The following FIGN variants were observed in gnomAD, a reference collection of about 807,000 sequenced individuals.
FIGN encodes fidgetin, microtubule severing factor, also known as fidgetin.
A neutral mutation model predicts 51.3 loss-of-function variants in FIGN; 11 were observed. The ratio of observed to expected loss-of-function variants is 0.21; its 90% CI spans 0.13 to 0.35. FIGN has a LOEUF of 0.35. FIGN is among the 10% of genes least tolerant of loss of function. The pLI is 1.00. For synonymous variants in FIGN, 407 were observed against 363.2 expected, an observed-to-expected ratio of 1.12 and a Z score of -1.37; for missense variants, 857 against 943.6, an observed-to-expected ratio of 0.91 and a Z score of 1.20.
chr2:163,734,705 T>G (rs1374210285), intron 2 of FIGN, among the ~76,000 whole-genome samples, 198 bp downstream of exon 2: 1 of 152,058 alleles, frequency 6.6e-6, no homozygotes, highest in Non-Finnish European at 1.5e-5. Flanking sequence ...AAGTAATATA[T>G]TAATCAAAAC....
chr2:163,729,470 G>A (rs1304805562), intron 2 of FIGN, among the ~76,000 whole-genome samples: 1 of 152,006 alleles, frequency 6.6e-6, no homozygotes. Flanking sequence ...AAACTTTACT[G>A]TATATTATAT....
intron 2 of FIGN, among the ~76,000 whole-genome samples, chr2:163,668,014 A>ACCC (rs57547572): frequency 0.053 from 5,605 of 106,120 alleles, 437 homozygotes; most frequent in East Asian, 0.14. Flanking sequence ...CCTACCTCCA[A>ACCC]CCCCCCCCCC....
At position 163,715,299 on chromosome 2, in the gene FIGN, C is replaced by T. The variant is rs184444748; in HGVS notation, c.25+19604G>A. The stretch of plus-strand genomic sequence containing the variant: ...GTATCTTGGAGTCATTAGCTAGAGT[C>T]CCAGCCCTGCCTCCAGGAGGGGGGA... On this transcript the variant is annotated intron_variant, in intron 2 of 2. Coordinates refer to ENST00000333129, the MANE Select transcript of FIGN (RefSeq NM_018086.4). Among the ~76,000 whole-genome samples the T allele has an allele frequency of 3.0e-3, 460 of 152,302 alleles. 1 individual carries two copies. The highest frequency in any genetic ancestry group is 0.02 in the Middle Eastern group (6 of 294).
chr2:163,697,719 A>T (rs971803699), intron 2 of FIGN, among the ~76,000 whole-genome samples: 55 of 152,244 alleles, frequency 3.6e-4, no homozygotes, highest in East Asian at 1.2e-3. Context: ...TGGTCATGGG[A>T]CCATATGCAA....
At chr2:163,722,422 C>A (rs1684772566) in intron 2 of FIGN, among the ~76,000 whole-genome samples, 1 of 152,112 alleles carries the variant, frequency 6.6e-6, no homozygotes, top group Non-Finnish European at 1.5e-5. Flanking sequence ...CCACGTTCAA[C>A]CAAAGGCAGA....
At chr2:163,735,409 C>T (rs1418921245) in intron 1 of FIGN, among the ~76,000 whole-genome samples, 1 of 152,188 alleles carries the variant, frequency 6.6e-6, no homozygotes, top group African/African-American at 2.4e-5. Flanking sequence ...TTAACCTCAA[C>T]TTTTTGTGTG....
intron 2 of FIGN, among the ~76,000 whole-genome samples, chr2:163,725,855 G>A (rs1349552936): frequency 1.3e-5 from 2 of 151,960 alleles, no homozygotes; most frequent in African/African-American, 4.8e-5. Context: ...TATTGATGGA[G>A]ATTTCACACC....
chr2:163,703,521 G>A (rs1413760826), intron 2 of FIGN, among the ~76,000 whole-genome samples: 1 of 152,152 alleles, frequency 6.6e-6, no homozygotes, highest in Non-Finnish European at 1.5e-5. Flanking sequence ...GTGACAGAAA[G>A]TGCTACATAG....
chr2:163,617,672 G>A (rs990851956), intron 2 of FIGN, among the ~76,000 whole-genome samples: 9 of 152,058 alleles, frequency 5.9e-5, no homozygotes, highest in Non-Finnish European at 1.0e-4. Flanking sequence ...TTTGTTTCAC[G>A]GTGAAAATTC....
intron 2 of FIGN, among the ~76,000 whole-genome samples, chr2:163,687,012 TACAC>T (rs547589971): frequency 2.4e-4 from 35 of 147,750 alleles, no homozygotes; most frequent in Middle Eastern, 3.6e-3. Context: ...TGAGATTGTG[TACAC>T]ACACACACAC....
At position 163,611,250 on chromosome 2, in the gene FIGN, C is replaced by A. The variant is rs1172443343; in HGVS notation, c.582G>T (p.Leu194Phe). The A allele has an allele frequency of 6.2e-7, 1 of 1,614,082 alleles. No individual in the cohort carries two copies. The highest frequency in any genetic ancestry group is 8.5e-7 in the Non-Finnish European group (1 of 1,180,008). The change falls in exon 3 of 3, where the codon TTG (leucine) becomes TTT (phenylalanine). Residue 194 changes from leucine to phenylalanine, a missense_variant. Leu to Phe is a conservative substitution (Grantham distance 22, BLOSUM62 0). Transcript: ENST00000333129. ...CTGGCTGGCTACTATAAGTAGAATG[C>A]AAATATGATCCGTTGTATCCTGGGG... is the stretch of plus-strand genomic sequence containing the variant. ...EYAPGYNGSY[L>F]HSTYSSQPAP...
In FIGN at chr2:163,610,186, T is replaced by C. The variant is rs1368014291; in HGVS notation, c.1646A>G (p.Lys549Arg). The C allele has an allele frequency of 1.9e-6, 3 of 1,613,958 alleles. No homozygotes were observed. The highest frequency in any genetic ancestry group is 1.3e-5 in the African/African-American group (1 of 74,900). Residue 549 changes from lysine to arginine, a missense_variant, in exon 3 of 3, where the codon AAA becomes AGA. Lys to Arg is a conservative substitution (Grantham distance 26). Transcript: ENST00000333129. ...GGCGACTAGTCCAGAACCGGCAATT[T>C]TGAAAAATGTGGCCCCCAGCTGACT... ...IASQLGATFF[K>R]IAGSGLVAKW...
At chr2:163,703,530 A>G (rs1173155747) in intron 2 of FIGN, among the ~76,000 whole-genome samples, 1 of 152,192 alleles carries the variant, frequency 6.6e-6, no homozygotes, top group East Asian at 1.9e-4. Context: ...AGTGCTACAT[A>G]GAAAGAATTT....
intron 2 of FIGN, among the ~76,000 whole-genome samples, chr2:163,664,502 G>A (rs946516490): frequency 2.0e-5 from 3 of 152,096 alleles, no homozygotes; most frequent in Non-Finnish European, 2.9e-5. Flanking sequence ...TTCTTTCCCC[G>A]TCTATTTATT....
rs1478395040 is a variant in FIGN, at chr2:163,660,876, TATA to T, written c.26-49073_26-49071del. ...ATGTATACATATATATATATATATATATATTTTTTTTTTTTTTTTTTTTTTTTT... is the reference window on the plus strand; with the variant it reads ...ATGTATACATATATATATATATATATTTTTTTTTTTTTTTTTTTTTTTTTT... On this transcript the variant is annotated intron_variant, in intron 2 of 2. Transcript: ENST00000333129. Among the ~76,000 whole-genome samples the T allele has an allele frequency of 9.3e-4, 25 of 26,760 alleles. 9 individuals carry two copies. The highest frequency in any genetic ancestry group is 1.6e-3 in the East Asian group (1 of 608). The allele number at this position is 26,760 out of a possible 152,430, so 17.6% of individuals were successfully genotyped here.
chr2:163,726,893 T>C (rs1684845988), intron 2 of FIGN, among the ~76,000 whole-genome samples: 1 of 152,066 alleles, frequency 6.6e-6, no homozygotes, highest in Non-Finnish European at 1.5e-5. Flanking sequence ...AAAAGAATAA[T>C]AGTACTGTTT....
At chr2:163,633,624 G>A (rs58551013) in intron 2 of FIGN, among the ~76,000 whole-genome samples, 1,918 of 152,264 alleles carry the variant, frequency 0.013, 29 homozygotes, top group African/African-American at 0.041. Flanking sequence ...GTCCCAGAAT[G>A]AACAGAACTA....
At chr2:163,733,013 A>G (rs1391027735) in intron 2 of FIGN, among the ~76,000 whole-genome samples, 1 of 152,212 alleles carries the variant, frequency 6.6e-6, no homozygotes, top group Non-Finnish European at 1.5e-5. Flanking sequence ...GACAAACAAA[A>G]TCTAAAAATA....
rs1005488032 is a variant in FIGN, at chr2:163,606,080, TGC to T, written c.*3470_*3471del. On this transcript the variant is annotated 3_prime_UTR_variant, in exon 3 of 3. Transcript: ENST00000333129. ...TATTTTCTCCTTGATAGGTTTCAAATGCACAAGAAAACATTATACCCGTCTAT... is the reference window on the plus strand; with the variant it reads ...TATTTTCTCCTTGATAGGTTTCAAATACAAGAAAACATTATACCCGTCTAT... 2 of 152,094 alleles carry T rather than the reference TGC, an allele frequency of 1.3e-5. No individual in the cohort carries two copies. Among genetic ancestry groups the T allele is most frequent in the African/African-American group, 2.4e-5 (1 of 41,432 alleles). The allele number at this position is 152,094 out of a possible 1,614,324, so 9.4% of individuals were successfully genotyped here. A position where few individuals can be genotyped will look rare whatever the true frequency, so the allele number is the denominator to read the frequency against.
Sources: allele counts gnomAD v4.1 joint callset (sites outside exome capture counted in the v4.1 genomes callset), GRCh38; gene constraint gnomAD v4.1.1; transcripts MANE v1.5; gene names NCBI Gene and HGNC (gene_info 2026-07-23, HGNC 2026-07-21).